MMS22L: variants seen among roughly 807,000 people sequenced by gnomAD.
The protein encoded by MMS22L is protein MMS22-like.
MMS22L carries 74 observed loss-of-function variants against 159.1 expected under a neutral mutation model. That is an observed-to-expected ratio of 0.47 (90% confidence interval 0.39 to 0.56). MMS22L has a LOEUF of 0.56. Among genes scored for constraint, MMS22L ranks in the 20% least tolerant of loss-of-function variants. The probability of loss-of-function intolerance (pLI) is 0.00; values close to 1 mark genes in which losing one functional copy is unlikely to be tolerated. For missense variants in MMS22L, 1,351 were observed against 1,422.1 expected (o/e 0.95, Z 0.80); for synonymous variants, 517 against 506.9 (o/e 1.02, Z -0.27).
chr6:97,215,114 A>ATATATATATATATATT (rs1209431095), intron 14 of MMS22L, among the ~76,000 whole-genome samples: 12 of 87,214 alleles, frequency 1.4e-4, no homozygotes, highest in African/African-American at 4.2e-4. Flanking sequence ...ATATATATAT[A>ATATATATATATATATT]TTTTTTTTTT....
rs531757484 is a variant in MMS22L at position 97,158,870 on chromosome 6, A to T, written c.3385+3132T>A. Among the ~76,000 whole-genome samples the T allele has an allele frequency of 1.0e-3, 153 of 152,130 alleles. 1 individual carries two copies. Among genetic ancestry groups the T allele is most frequent in the African/African-American group, 3.5e-3 (145 of 41,486 alleles). On this transcript the variant is annotated intron_variant, in intron 22 of 24. Transcript: ENST00000683635. ...AGTTCAAGTTCTGGATATCCTTGCT[A>T]ATTTTCTATCTCATTGATCTAATAT... is the stretch of plus-strand genomic sequence containing the variant.
chr6:97,258,225 TA>T (rs1461854682), intron 9 of MMS22L, among the ~76,000 whole-genome samples: 4 of 152,204 alleles, frequency 2.6e-5, no homozygotes, highest in Non-Finnish European at 4.4e-5. Context: ...TGAGGTAAAA[TA>T]AAGCTATTTT....
intron 21 of MMS22L, among the ~76,000 whole-genome samples, 162 bp downstream of exon 21, chr6:97,165,084 A>G (rs1474430788): frequency 6.6e-6 from 1 of 152,180 alleles, no homozygotes; most frequent in Non-Finnish European, 1.5e-5. Flanking sequence ...CCATAAGCAA[A>G]TGTCATTTTA....
intron 14 of MMS22L, among the ~76,000 whole-genome samples, chr6:97,213,691 A>G (rs948540978): frequency 2.0e-5 from 3 of 152,220 alleles, no homozygotes; most frequent in Non-Finnish European, 4.4e-5. Flanking sequence ...AAAGAGAGGC[A>G]TTAAAAACTC....
At chr6:97,231,729 T>A (rs1810895825) in intron 12 of MMS22L, 77 bp from the exon 13 acceptor site, 1 of 1,030,458 alleles carries the variant, frequency 9.7e-7, no homozygotes, top group African/African-American at 1.6e-5. Flanking sequence ...CAAATCCCAG[T>A]TAGTTGGTTC....
chr6:97,153,673 G>A (rs950609771), intron 22 of MMS22L, among the ~76,000 whole-genome samples: 1 of 151,998 alleles, frequency 6.6e-6, no homozygotes, highest in Non-Finnish European at 1.5e-5. Flanking sequence ...GCCTAGACCT[G>A]TCTCTATAGA....
intron 18 of MMS22L, among the ~76,000 whole-genome samples, chr6:97,174,705 G>C (rs920090350): frequency 6.6e-6 from 1 of 152,144 alleles, no homozygotes; most frequent in African/African-American, 2.4e-5. Context: ...ACTGCTCCGG[G>C]TTTAGTCACG....
At chr6:97,273,316 C>T (rs531857154) in intron 4 of MMS22L, among the ~76,000 whole-genome samples, 1 of 152,202 alleles carries the variant, frequency 6.6e-6, no homozygotes, top group Admixed American at 6.5e-5. Context: ...ACTAGCTACA[C>T]CTGGCTTCAT....
intron 4 of MMS22L, among the ~76,000 whole-genome samples, chr6:97,277,012 AC>A (rs1177702299): frequency 3.9e-5 from 6 of 152,250 alleles, no homozygotes; most frequent in African/African-American, 1.4e-4. Context: ...CTTAACATTT[AC>A]AAATCACGTA....
At chr6:97,162,350 T>C (rs773558271) in intron 21 of MMS22L, among the ~76,000 whole-genome samples, 185 bp from the exon 22 acceptor site, 1 of 152,064 alleles carries the variant, frequency 6.6e-6, no homozygotes, top group Non-Finnish European at 1.5e-5. Context: ...TGACTGACTG[T>C]ATATCTTTCT....
At chr6:97,199,163 C>T (rs1048315417) in intron 14 of MMS22L, among the ~76,000 whole-genome samples, 2 of 152,028 alleles carry the variant, frequency 1.3e-5, no homozygotes, top group South Asian at 2.1e-4. Context: ...TGTGGGGGAG[C>T]GTGCATTGCT....
chr6:97,266,311 T>C (rs1021370092), intron 8 of MMS22L: 21 of 152,152 alleles, frequency 1.4e-4, no homozygotes, highest in African/African-American at 5.1e-4. Flanking sequence ...GCAATCCTAC[T>C]AGGTATATTT....
At chr6:97,218,720 G>A (rs1375193078) in intron 14 of MMS22L, among the ~76,000 whole-genome samples, 2 of 152,156 alleles carry the variant, frequency 1.3e-5, no homozygotes, top group African/African-American at 2.4e-5. Flanking sequence ...CAAGACTGGT[G>A]TATTAGTCGG....
intron 11 of MMS22L, among the ~76,000 whole-genome samples, chr6:97,238,326 A>G (rs927728760): frequency 2.0e-5 from 3 of 152,230 alleles, no homozygotes; most frequent in African/African-American, 7.2e-5. Flanking sequence ...CAAATAATAA[A>G]TGCAACAGGG....
chr6:97,142,512 C>CT lies in MMS22L; in HGVS notation c.*4293dup, dbSNP rs1296959823. On this transcript the variant is annotated 3_prime_UTR_variant, in exon 25 of 25. Transcript: ENST00000683635. ...TGCCTGACAGGCAATATTTTTAACT[C>CT]TAAGAGGGGTAGGTAAAAGATCAGT... 1.3e-5 allele frequency: 2 copies of CT among 152,302 alleles called. No individual in the cohort carries two copies. Among genetic ancestry groups the CT allele is most frequent in the African/African-American group, 4.8e-5 (2 of 41,384 alleles). 9.4% of individuals were successfully genotyped at this position (152,302 alleles called of 1,614,324 possible). A position where few individuals can be genotyped will look rare whatever the true frequency, so the allele number is the denominator to read the frequency against.
intron 20 of MMS22L, among the ~76,000 whole-genome samples, chr6:97,167,193 C>A (rs192392998): frequency 6.6e-6 from 1 of 152,100 alleles, no homozygotes. Context: ...TGCTCAGAAA[C>A]CAATCCTTAC....
intron 14 of MMS22L, among the ~76,000 whole-genome samples, chr6:97,204,786 C>T (rs1807572014): frequency 3.9e-5 from 4 of 101,956 alleles, no homozygotes; most frequent in Admixed American, 3.2e-4. Context: ...TGAAGTGAGA[C>T]TCAGTGTCAA....
Position 97,151,807 on chromosome 6 carries a change from T to C in MMS22L, c.3446A>G (p.Glu1149Gly), listed in dbSNP as rs751715189. 1 of 1,613,740 alleles carries C rather than the reference T, an allele frequency of 6.2e-7. No homozygotes were observed. The highest frequency in any genetic ancestry group is 8.5e-7 in the Non-Finnish European group (1 of 1,179,716). ...YMVKACQVGS[E>G]EEPSSQLTSV... ...AGTCAGCTGGGAGGAAGGTTCTTCT[T>C]CTGACCCCACTTGGCAGGCTTTTAC... The change falls in exon 23 of 25, where the codon GAA becomes GGA. Residue 1149 changes from glutamate (E) to glycine (G), a missense_variant. Coordinates refer to ENST00000683635, the MANE Select transcript of MMS22L (RefSeq NM_001350599.2).
chr6:97,169,585 A>G (rs1803314389), intron 19 of MMS22L, among the ~76,000 whole-genome samples: 1 of 152,178 alleles, frequency 6.6e-6, no homozygotes, highest in Non-Finnish European at 1.5e-5. Context: ...CACTTTTAAG[A>G]ACAAACAGCA....
Sources: allele counts gnomAD v4.1 joint callset (sites outside exome capture counted in the v4.1 genomes callset), GRCh38; gene constraint gnomAD v4.1.1; transcripts MANE v1.5; gene names NCBI Gene and HGNC (gene_info 2026-07-23, HGNC 2026-07-21).